NBAS: variants seen among roughly 807,000 people sequenced by gnomAD.
NBAS encodes the protein NBAS subunit of NRZ tethering complex, also known as NAG/BC035112 fusion.
A neutral mutation model predicts 302.5 loss-of-function variants in NBAS; 219 were observed. The observed-to-expected ratio is 0.72, with a 90% CI of 0.65 to 0.81. The LOEUF (loss-of-function observed/expected upper bound fraction) is 0.81. Ranked by LOEUF, NBAS falls within the 30% of genes least tolerant of loss-of-function variation. The pLI is 0.00. For synonymous variants in NBAS, 1,118 were observed against 1,021.6 expected (o/e 1.09, Z -1.80); for missense variants, 2,932 against 2,841.6 (o/e 1.03, Z -0.72).
intron 48 of NBAS, among the ~76,000 whole-genome samples, chr2:15,203,249 G>C (rs1044094366): frequency 2.0e-5 from 3 of 152,088 alleles, no homozygotes; most frequent in Admixed American, 6.5e-5. Context: ...TCATACTTTA[G>C]CATTGAGATA....
At position 15,554,154 on chromosome 2, in the gene NBAS, A is replaced by G. The variant is rs1664529917; in HGVS notation, c.210-16T>C. The stretch of plus-strand genomic sequence containing the variant: ...AGGTGCCGGGCTGAAATCACAACAC[A>G]TTAGTTAGCTTAAAATCTAATCATG... On this transcript the variant is annotated splice_polypyrimidine_tract_variant and intron_variant, in intron 3 of 51. Coordinates refer to ENST00000281513, the MANE Select transcript of NBAS (RefSeq NM_015909.4). The G allele has an allele frequency of 6.2e-7, 1 of 1,606,888 alleles. No individual in the cohort carries two copies.
At chr2:15,334,432 C>G (rs1219464667) in intron 35 of NBAS, among the ~76,000 whole-genome samples, 1 of 152,118 alleles carries the variant, frequency 6.6e-6, no homozygotes, top group East Asian at 1.9e-4. Flanking sequence ...TCATGATCCG[C>G]CCGCCTCGGC....
chr2:15,335,873 T>G (rs1415051373), intron 35 of NBAS, among the ~76,000 whole-genome samples: 3 of 152,168 alleles, frequency 2.0e-5, no homozygotes, highest in Non-Finnish European at 2.9e-5. Flanking sequence ...TAGTACTTTT[T>G]GTATCATATT....
chr2:14,856,240 A>G, the NBAS span, among the ~76,000 whole-genome samples: 5 of 152,052 alleles, frequency 3.3e-5, no homozygotes, highest in Non-Finnish European at 7.4e-5. Context: ...GCATTACTGA[A>G]CTTGGGGTGT....
chr2:15,012,767 AG>A, the NBAS span, among the ~76,000 whole-genome samples: 1 of 152,250 alleles, frequency 6.6e-6, no homozygotes, highest in African/African-American at 2.4e-5. Context: ...TGAAAGAAAA[AG>A]AAAACTGTCA....
In NBAS at chr2:15,366,640, G is replaced by A. The variant is rs1312117124; in HGVS notation, c.3757C>T (p.Pro1253Ser). 1.2e-6 allele frequency: 2 copies of A among 1,613,990 alleles called. No homozygotes were observed. Among genetic ancestry groups the A allele is most frequent in the East Asian group, 2.2e-5 (1 of 44,876 alleles). ...TTGGTGGATTGTTTATAGCATGTGG[G>A]GGACTGGGAAATACACTCCTTGATG... is the stretch of plus-strand genomic sequence containing the variant. ...SLIKECISQS[P>S]TCYKQSTKLL... The change falls in exon 32 of 52, where the codon CCC becomes TCC. Residue 1253 changes from proline (P) to serine (S), a missense_variant. By Grantham distance (74) the Pro-to-Ser change is moderately conservative. Coordinates refer to ENST00000281513, the MANE Select transcript of NBAS (RefSeq NM_015909.4).
In NBAS at chr2:15,488,923, G is replaced by A. The variant is rs749290680; in HGVS notation, c.1054C>T (p.Gln352Ter). 1.9e-6 allele frequency: 3 copies of A among 1,613,810 alleles called. No individual in the cohort carries two copies. The highest frequency in any genetic ancestry group is 1.6e-4 in the Middle Eastern group (1 of 6,062). The change falls in exon 12 of 52, where the codon CAA becomes TAA. Residue 352 changes from glutamine (Q) to a stop codon, truncating the protein, a stop_gained. Transcript: ENST00000281513. LOFTEE classifies it high-confidence loss of function. ...TCATTTTGACCCCATTCCCCTTGTT[G>A]CTTCAGAGATGGAATCGCCCAGATG... ...LSIWAIPSLK[Q>*]QGEWGQNEQP...
intron 25 of NBAS, among the ~76,000 whole-genome samples, chr2:15,412,888 C>T (rs1349028421): frequency 6.6e-6 from 1 of 152,166 alleles, no homozygotes; most frequent in African/African-American, 2.4e-5. Flanking sequence ...ATTACTTCTA[C>T]ATAAACGCTT....
chr2:15,511,371 A>T (rs765608666), intron 9 of NBAS, 21 bp from the exon 10 acceptor site: 268 of 1,608,348 alleles, frequency 1.7e-4, no homozygotes, highest in Non-Finnish European at 2.1e-4. Context: ...GAAAATTTTT[A>T]AAAATCGATA....
At chr2:15,374,116 T>C (rs1205615540) in intron 31 of NBAS, among the ~76,000 whole-genome samples, 2 of 152,218 alleles carry the variant, frequency 1.3e-5, no homozygotes, top group East Asian at 3.8e-4. Flanking sequence ...AAGATATCTC[T>C]AGTAATTAAA....
At chr2:14,848,598 C>T in the NBAS span, among the ~76,000 whole-genome samples, 2 of 140,226 alleles carry the variant, frequency 1.4e-5, no homozygotes, top group East Asian at 3.9e-4. Context: ...GCCTGCCTGC[C>T]TCTGTAGGCT....
the NBAS span, among the ~76,000 whole-genome samples, chr2:14,918,611 C>T: frequency 6.6e-6 from 1 of 152,240 alleles, no homozygotes; most frequent in Non-Finnish European, 1.5e-5. Flanking sequence ...GGCTGTGGTC[C>T]TTAGTCTTGT....
Position 15,167,134 on chromosome 2 carries a change from C to T in NBAS, c.7030G>A (p.Gly2344Arg), listed in dbSNP as rs780113723. Residue 2344 changes from glycine to arginine, a missense_variant, in exon 52 of 52, where the codon GGG becomes AGG. Coordinates refer to ENST00000281513, the MANE Select transcript of NBAS (RefSeq NM_015909.4). ...CCCCTCACGGCCAGAAGGAGAGACC[C>T]GGCTTCGGCTTCATGGCCGGCCTCC... ...LREAGHEAEA[G>R]SLLLAVRGTH... 4.3e-6 allele frequency: 7 copies of T among 1,614,086 alleles called. No individual in the cohort carries two copies. Among genetic ancestry groups the T allele is most frequent in the African/African-American group, 2.7e-5 (2 of 74,950 alleles).
chr2:15,095,309 TC>T, the NBAS span, among the ~76,000 whole-genome samples: 1 of 152,148 alleles, frequency 6.6e-6, no homozygotes, highest in Non-Finnish European at 1.5e-5. Context: ...GACTCACAGT[TC>T]CACGTGCCTG....
the NBAS span, among the ~76,000 whole-genome samples, chr2:15,046,800 TG>T: frequency 2.0e-5 from 3 of 152,100 alleles, no homozygotes; most frequent in African/African-American, 7.2e-5. Context: ...AACTCTAAGA[TG>T]GGGGCCTGGT....
chr2:15,166,126 T>A (rs1010668663), downstream of NBAS, among the ~76,000 whole-genome samples: 6 of 152,198 alleles, frequency 3.9e-5, no homozygotes, highest in East Asian at 1.9e-4. Flanking sequence ...GCCAGCAAGC[T>A]ATGCCCTGGG....
intron 40 of NBAS, among the ~76,000 whole-genome samples, chr2:15,298,888 G>A (rs1488275441): frequency 1.3e-5 from 2 of 152,122 alleles, no homozygotes; most frequent in Admixed American, 6.6e-5. Flanking sequence ...TGAAGCATCC[G>A]GAGCTGTAGT....
At chr2:15,161,416 C>T in the NBAS span, among the ~76,000 whole-genome samples, 2 of 152,142 alleles carry the variant, frequency 1.3e-5, no homozygotes, top group Non-Finnish European at 2.9e-5. Context: ...GATGTCTTTT[C>T]CTGTCTCCTA....
intron 44 of NBAS, among the ~76,000 whole-genome samples, chr2:15,252,758 C>A (rs769070641): frequency 2.0e-5 from 3 of 152,096 alleles, no homozygotes; most frequent in Non-Finnish European, 4.4e-5. Flanking sequence ...TCCTCCTTTT[C>A]ATGTTCAAAC....
Sources: gnomAD v4.1 joint callset for allele counts (sites outside exome capture counted in the v4.1 genomes callset) on GRCh38, gnomAD v4.1.1 for gene constraint, MANE v1.5 for transcripts, NCBI Gene and HGNC (gene_info 2026-07-23, HGNC 2026-07-21) for gene names.